CA7: variants seen among roughly 807,000 people sequenced by gnomAD.
CA7 encodes carbonic anhydrase 7.
A neutral mutation model predicts 31.4 loss-of-function variants in CA7; 13 were observed. That is an observed-to-expected ratio of 0.41 (90% CI 0.27 to 0.66). The LOEUF is 0.66. Among genes scored for constraint, CA7 ranks in the 30% least tolerant of loss-of-function variants. CA7 has a pLI of 0.28. For missense variants in CA7, 215 were observed against 351.0 expected, an observed-to-expected ratio of 0.61 and a Z score of 3.10; for synonymous variants, 128 against 133.2, an observed-to-expected ratio of 0.96 and a Z score of 0.27.
At chr16:66,848,802 G>A (rs1960978997) in intron 2 of CA7, among the ~76,000 whole-genome samples, 1 of 152,150 alleles carries the variant, frequency 6.6e-6, no homozygotes, top group Non-Finnish European at 1.5e-5. Context: ...CACACTATAG[G>A]GTCCCAGGTG....
At chr16:66,852,026 T>A (rs1414288208) in intron 5 of CA7, among the ~76,000 whole-genome samples, 1 of 152,064 alleles carries the variant, frequency 6.6e-6, no homozygotes, top group Non-Finnish European at 1.5e-5. Context: ...CGTGGCCAAA[T>A]ACCTCCAGGA....
chr16:66,852,637 A>G, intron 5 of CA7, 75 bp from the exon 6 acceptor site: 1 of 973,764 alleles, frequency 1.0e-6, no homozygotes, highest in Non-Finnish European at 1.4e-6. Context: ...AAAGAAAGAG[A>G]TGGGTGGAGA....
At chr16:66,849,994 C>G (rs1228256547) in intron 2 of CA7, among the ~76,000 whole-genome samples, 1 of 151,954 alleles carries the variant, frequency 6.6e-6, no homozygotes, top group Non-Finnish European at 1.5e-5. Flanking sequence ...GTGGCAGGTG[C>G]CTGTAATCCC....
In CA7 at chr16:66,844,450, C is replaced by G; in HGVS notation, c.-38C>G. The G allele has an allele frequency of 6.6e-7, 1 of 1,524,354 alleles. No individual in the cohort carries two copies. The highest frequency in any genetic ancestry group is 8.8e-7 in the Non-Finnish European group (1 of 1,133,200). The allele number at this position is 1,524,354 out of a possible 1,614,324, so 94.4% of individuals were successfully genotyped here. A position where few individuals can be genotyped will look rare whatever the true frequency, so the allele number is the denominator to read the frequency against. ...CGCAGCCCGAACGAGCGGACCGAGC[C>G]GACCGGGCAGGTGCACGGCTGCGGG... On this transcript the variant is annotated 5_prime_UTR_variant, in exon 1 of 7. Coordinates refer to ENST00000338437, the MANE Select transcript of CA7 (RefSeq NM_005182.3).
In CA7 at chr16:66,853,098, C is replaced by G. The variant is rs944985845; in HGVS notation, c.672+231C>G. Among the ~76,000 whole-genome samples, 3 of 152,210 alleles carry G rather than the reference C, an allele frequency of 2.0e-5. No individual in the cohort carries two copies. The highest frequency in any genetic ancestry group is 4.4e-5 in the Non-Finnish European group (3 of 68,044). ...ACCTGGATCCTGGGACCCCCACCCC[C>G]GCTACTGTGTTGGAATCTGAATGCT... is the stretch of plus-strand genomic sequence containing the variant. On this transcript the variant is annotated intron_variant, in intron 6 of 6. Transcript: ENST00000338437. This position sits in a 1 kb window ranked among gnomAD's most constrained non-coding sequence, Gnocchi z 4.5.
intron 3 of CA7, 31 bp downstream of exon 3, chr16:66,850,690 G>A (rs749092455): frequency 1.4e-6 from 2 of 1,460,948 alleles, no homozygotes; most frequent in Admixed American, 3.3e-5. Flanking sequence ...GAATCCCTCT[G>A]CTACATGGGA....
chr16:66,853,604 C>T lies in CA7; in HGVS notation c.*106C>T, dbSNP rs906812308. ...CTTCCTCCCTGGGGGGTGCTGGGGA[C>T]CCTCCTTCAGCCAGTTTGCTCCTTG... On this transcript the variant is annotated 3_prime_UTR_variant, in exon 7 of 7. Coordinates refer to ENST00000338437, the MANE Select transcript of CA7 (RefSeq NM_005182.3). This position sits in a 1 kb window ranked among gnomAD's most constrained non-coding sequence, Gnocchi z 4.5. 3 of 1,474,628 alleles carry T rather than the reference C, an allele frequency of 2.0e-6. No homozygotes were observed. In the African/African-American group the frequency reaches 4.2e-5, roughly 21 times the overall value. The allele number at this position is 1,474,628 out of a possible 1,614,324, so 91.3% of individuals were successfully genotyped here.
At chr16:66,852,517 GAAGGAAGGAAGGGA>G (rs1567507424) in intron 5 of CA7, among the ~76,000 whole-genome samples, 181 bp from the exon 6 acceptor site, 1 of 140,214 alleles carries the variant, frequency 7.1e-6, no homozygotes, top group East Asian at 2.0e-4. Flanking sequence ...GGGAAGGAAG[GAAGGAAGGAAGGGA>G]AAGGAAGGAA....
rs958136297 is a variant in CA7 at position 66,853,347 on chromosome 16, G to A, written c.673-29G>A. 4.3e-6 allele frequency: 7 copies of A among 1,613,710 alleles called. No individual in the cohort carries two copies. The highest frequency in any genetic ancestry group is 5.1e-6 in the Non-Finnish European group (6 of 1,179,854). On this transcript the variant is annotated intron_variant, in intron 6 of 6. Transcript: ENST00000338437. This position sits in a 1 kb window ranked among gnomAD's most constrained non-coding sequence, Gnocchi z 4.5. ...TAGAGGACCACAGCACCCCCAATCTGCCCTGAGCATTCCTTCTGCTTCCTC... is the reference window on the plus strand; with the variant it reads ...TAGAGGACCACAGCACCCCCAATCTACCCTGAGCATTCCTTCTGCTTCCTC...
chr16:66,847,279 C>G (rs1454953208), intron 2 of CA7, 52 bp downstream of exon 2: 1 of 1,541,596 alleles, frequency 6.5e-7, no homozygotes, highest in Non-Finnish European at 9.0e-7. Flanking sequence ...CCTTAGGGTC[C>G]TAACCTTGTG....
intron 1 of CA7, among the ~76,000 whole-genome samples, chr16:66,845,496 A>C (rs889842659): frequency 1.3e-5 from 2 of 152,146 alleles, no homozygotes; most frequent in African/African-American, 4.8e-5. Context: ...AGTAGACCAG[A>C]GGGAGGGTGC....
At chr16:66,847,658 A>G (rs1199306150) in intron 2 of CA7, among the ~76,000 whole-genome samples, 1 of 152,210 alleles carries the variant, frequency 6.6e-6, no homozygotes, top group Non-Finnish European at 1.5e-5. Flanking sequence ...ACCCCTTGCT[A>G]AAGTCACAAG....
intron 5 of CA7, 37 bp from the exon 6 acceptor site, chr16:66,852,675 T>A: frequency 1.3e-6 from 2 of 1,570,730 alleles, no homozygotes; most frequent in South Asian, 1.2e-5. Flanking sequence ...CAGTGGGAGG[T>A]CTATGCTGAT....
chr16:66,846,909 C>A, intron 1 of CA7, 121 bp from the exon 2 acceptor site: 1 of 755,010 alleles, frequency 1.3e-6, no homozygotes, highest in Non-Finnish European at 2.2e-6. Context: ...AGCTGTGCAG[C>A]TCCAATGCAG....
At chr16:66,852,979 TC>T in intron 6 of CA7, 112 bp downstream of exon 6, 1 of 959,330 alleles carries the variant, frequency 1.0e-6, no homozygotes, top group Non-Finnish European at 1.5e-6. Context: ...TCAAGGTTCC[TC>T]CCCATTTTTT....
Position 66,853,656 on chromosome 16 carries a change from C to A in CA7, c.*158C>A. On this transcript the variant is annotated 3_prime_UTR_variant, in exon 7 of 7. Coordinates refer to ENST00000338437, the MANE Select transcript of CA7 (RefSeq NM_005182.3). The surrounding 1 kb of genome is among the most constrained non-coding windows in gnomAD (Gnocchi z 4.5). ...TCACCCTGGAGGCTTCTGGATGGGA[C>A]CCTTGAGTCTGGGGCACCCTTCAGC... 1 of 931,026 alleles carries A rather than the reference C, an allele frequency of 1.1e-6. No individual in the cohort carries two copies. Among genetic ancestry groups the A allele is most frequent in the Non-Finnish European group, 1.6e-6 (1 of 634,722 alleles). The allele number at this position is 931,026 out of a possible 1,614,324, so 57.7% of individuals were successfully genotyped here. A position where few individuals can be genotyped will look rare whatever the true frequency, so the allele number is the denominator to read the frequency against.
intron 3 of CA7, among the ~76,000 whole-genome samples, chr16:66,851,234 C>T (rs1304330234): frequency 6.6e-6 from 1 of 152,352 alleles, no homozygotes; most frequent in East Asian, 1.9e-4. Flanking sequence ...GGCCAGATTC[C>T]TCTTTGGGTC....
chr16:66,844,618 C>G lies in CA7; in HGVS notation c.40+91C>G. On this transcript the variant is annotated intron_variant, in intron 1 of 6. Transcript: ENST00000338437. ...CTCTTGCCCAGCTGGTTTCCCAGACCGGAAAGCTCCCACACTCCAGGCTGG... is the reference window on the plus strand; with the variant it reads ...CTCTTGCCCAGCTGGTTTCCCAGACGGGAAAGCTCCCACACTCCAGGCTGG... The G allele has an allele frequency of 3.5e-6, 4 of 1,147,088 alleles. No individual in the cohort carries two copies. The East Asian group carries it at 1.2e-4, about 35-fold the overall frequency. 71.1% of individuals were successfully genotyped at this position (1,147,088 alleles called of 1,614,324 possible). A position where few individuals can be genotyped will look rare whatever the true frequency, so the allele number is the denominator to read the frequency against.
chr16:66,848,305 GA>G (rs1960969025), intron 2 of CA7, among the ~76,000 whole-genome samples: 1 of 152,212 alleles, frequency 6.6e-6, no homozygotes, highest in South Asian at 2.1e-4. Flanking sequence ...TGAATTCTAA[GA>G]AAAGCCTCTT....
Sources: allele counts gnomAD v4.1 joint callset (sites outside exome capture counted in the v4.1 genomes callset), GRCh38; gene constraint gnomAD v4.1.1; non-coding constraint Gnocchi (gnomAD v3.1); transcripts MANE v1.5; gene names NCBI Gene and HGNC (gene_info 2026-07-23, HGNC 2026-07-21).